Variants in PTPN9 observed in about 807,000 individuals in gnomAD.
PTPN9 encodes protein tyrosine phosphatase non-receptor type 9, also known as tyrosine-protein phosphatase non-receptor type 9.
Under a neutral mutation model 69.8 loss-of-function variants are expected in PTPN9, and 26 were observed. The ratio of observed to expected loss-of-function variants is 0.37; its 90% CI spans 0.27 to 0.52. PTPN9 has a LOEUF of 0.52. Ranked by LOEUF, PTPN9 falls within the 20% of genes least tolerant of loss-of-function variation. The pLI is 0.91. For synonymous variants in PTPN9, 274 were observed against 272.5 expected (o/e 1.01, Z -0.05); for missense variants, 549 against 740.3 (o/e 0.74, Z 3.00).
intron 1 of PTPN9, among the ~76,000 whole-genome samples, chr15:75,545,117 A>G (rs976803067): frequency 1.3e-5 from 2 of 152,222 alleles, no homozygotes; most frequent in Non-Finnish European, 2.9e-5. Context: ...GTTCTGTGCC[A>G]CAACTGCATA....
intron 1 of PTPN9, among the ~76,000 whole-genome samples, chr15:75,560,555 T>C (rs745895823): frequency 2.0e-5 from 3 of 152,158 alleles, no homozygotes; most frequent in African/African-American, 4.8e-5. Flanking sequence ...CAGGAAAATA[T>C]AGAAAGTATA....
At position 75,508,690 on chromosome 15, in the gene PTPN9, T is replaced by C. The variant is rs183384446; in HGVS notation, c.639+227A>G. Among the ~76,000 whole-genome samples the C allele has an allele frequency of 5.3e-5, 8 of 152,330 alleles. No individual in the cohort carries two copies. In the East Asian group the frequency reaches 7.7e-4, roughly 15 times the overall value. ...GGTGCTATAGAAAGTGAGAACCAGATAAACTGTGTTTAGTTTTGAACTTCA... is the reference window on the plus strand; with the variant it reads ...GGTGCTATAGAAAGTGAGAACCAGACAAACTGTGTTTAGTTTTGAACTTCA... On this transcript the variant is annotated intron_variant, in intron 6 of 12. Coordinates refer to ENST00000618819, the MANE Select transcript of PTPN9 (RefSeq NM_002833.4).
chr15:75,566,020 GAA>G (rs1265980870), intron 1 of PTPN9, among the ~76,000 whole-genome samples: 2 of 151,948 alleles, frequency 1.3e-5, no homozygotes, highest in Non-Finnish European at 2.9e-5. Flanking sequence ...ATCTGAAAAA[GAA>G]AAGTTTCCTG....
At chr15:75,513,119 G>A (rs1297114661) in intron 5 of PTPN9, 19 of 381,326 alleles carry the variant, frequency 5.0e-5, no homozygotes, top group South Asian at 1.2e-4. Flanking sequence ...ACTGCAGCAG[G>A]TACCCCCAGA....
At chr15:75,480,339 T>C (rs535060632) in intron 8 of PTPN9, among the ~76,000 whole-genome samples, 5 of 152,178 alleles carry the variant, frequency 3.3e-5, no homozygotes, top group Non-Finnish European at 5.9e-5. Context: ...GCGCGGTGGC[T>C]CACGCCTGTA....
chr15:75,495,036 A>G (rs941151037), intron 7 of PTPN9, among the ~76,000 whole-genome samples: 2 of 152,114 alleles, frequency 1.3e-5, no homozygotes. Context: ...ATAAATAAAT[A>G]AATAATAAAT....
chr15:75,545,415 T>A (rs369290815), intron 1 of PTPN9, among the ~76,000 whole-genome samples: 3 of 151,100 alleles, frequency 2.0e-5, no homozygotes, highest in East Asian at 3.9e-4. Flanking sequence ...TAGAAAAGAT[T>A]TAAAATAAAG....
intron 8 of PTPN9, among the ~76,000 whole-genome samples, chr15:75,481,324 C>A (rs1223209150): frequency 6.9e-4 from 40 of 57,868 alleles, no homozygotes; most frequent in African/African-American, 2.5e-3. Flanking sequence ...GCAGCCACCC[C>A]GTCCGGGAGG....
intron 1 of PTPN9, among the ~76,000 whole-genome samples, chr15:75,578,071 G>C (rs2075181762): frequency 6.6e-6 from 1 of 152,228 alleles, no homozygotes; most frequent in Non-Finnish European, 1.5e-5. Flanking sequence ...GAGACAGTCA[G>C]ATGAGACGAG....
chr15:75,526,121 G>A (rs546442597), intron 2 of PTPN9, among the ~76,000 whole-genome samples: 15 of 151,458 alleles, frequency 9.9e-5, no homozygotes, highest in Middle Eastern at 3.4e-3. Context: ...TCAGCCTCCC[G>A]AGTAGCTGGG....
At position 75,578,857 on chromosome 15, in the gene PTPN9, C is replaced by T. The variant is rs1341231410; in HGVS notation, c.-81G>A. The T allele has an allele frequency of 1.2e-5, 12 of 1,011,246 alleles. No homozygotes were observed. Among genetic ancestry groups the T allele is most frequent in the South Asian group, 4.9e-5 (1 of 20,344 alleles). 62.6% of individuals were successfully genotyped at this position (1,011,246 alleles called of 1,614,324 possible). ...CGCGCTCGGCCTCCGCTTCCGCGTC[C>T]CCGCGCCTCAGCAGCCCGGGGCCGG... On this transcript the variant is annotated 5_prime_UTR_variant, in exon 1 of 13. Transcript: ENST00000618819.
At chr15:75,574,693 C>G (rs2075163361) in intron 1 of PTPN9, among the ~76,000 whole-genome samples, 1 of 151,712 alleles carries the variant, frequency 6.6e-6, no homozygotes, top group Admixed American at 6.6e-5. Flanking sequence ...GTAATCCCAG[C>G]ACTTTGGGAG....
intron 6 of PTPN9, 98 bp from the exon 7 acceptor site, chr15:75,506,101 G>T (rs1346227933): frequency 2.1e-6 from 2 of 963,048 alleles, no homozygotes; most frequent in African/African-American, 1.6e-5. Context: ...TGGAGGATGG[G>T]ATAAGATTTT....
intron 1 of PTPN9, among the ~76,000 whole-genome samples, chr15:75,563,912 TAA>T (rs1416030579): frequency 6.6e-6 from 1 of 151,780 alleles, no homozygotes; most frequent in Non-Finnish European, 1.5e-5. Flanking sequence ...GCTTATGATC[TAA>T]AAAAAATCCT....
chr15:75,498,628 T>C (rs1353482346), intron 7 of PTPN9, among the ~76,000 whole-genome samples: 1 of 151,980 alleles, frequency 6.6e-6, no homozygotes, highest in African/African-American at 2.4e-5. Context: ...GGCAGGAGAA[T>C]CGCTTGAACC....
Position 75,502,432 on chromosome 15 carries a change from A to T in PTPN9, c.968+3243T>A, listed in dbSNP as rs553604631. The stretch of plus-strand genomic sequence containing the variant: ...CATTGCACTCCAGCCTGGGTGACAG[A>T]ACGAGACTCCATCTCAGAAAGAAAA... On this transcript the variant is annotated intron_variant, in intron 7 of 12. Coordinates refer to ENST00000618819, the MANE Select transcript of PTPN9 (RefSeq NM_002833.4). Among the ~76,000 whole-genome samples, 8 of 152,038 alleles carry T rather than the reference A, an allele frequency of 5.3e-5. No individual in the cohort carries two copies. In the South Asian group the frequency reaches 1.7e-3, roughly 32 times the overall value.
At chr15:75,487,594 AG>A (rs1223850923) in intron 8 of PTPN9, 1 of 152,210 alleles carries the variant, frequency 6.6e-6, no homozygotes, top group Non-Finnish European at 1.5e-5. Flanking sequence ...GGATAAATAC[AG>A]GTATCTCTGA....
chr15:75,546,425 C>T (rs113555623), intron 1 of PTPN9, among the ~76,000 whole-genome samples: 4 of 152,038 alleles, frequency 2.6e-5, no homozygotes, highest in South Asian at 4.2e-4. Flanking sequence ...GGGCAGATCA[C>T]GAGGTCAGGA....
intron 1 of PTPN9, among the ~76,000 whole-genome samples, chr15:75,565,399 T>C (rs1278984887): frequency 6.6e-6 from 1 of 152,134 alleles, no homozygotes; most frequent in African/African-American, 2.4e-5. Context: ...AACTACAAAA[T>C]TTTTCAGAGA....
Sources: gnomAD v4.1 joint callset for allele counts (sites outside exome capture counted in the v4.1 genomes callset) on GRCh38, gnomAD v4.1.1 for gene constraint, MANE v1.5 for transcripts, NCBI Gene and HGNC (gene_info 2026-07-23, HGNC 2026-07-21) for gene names.